Variants in ZNF827 observed in about 807,000 individuals in gnomAD.
The protein encoded by ZNF827 is zinc finger protein 827.
ZNF827 carries 13 observed loss-of-function variants against 102.4 expected under a neutral mutation model. The ratio of observed to expected loss-of-function variants is 0.13; its 90% CI spans 0.08 to 0.20. The LOEUF (loss-of-function observed/expected upper bound fraction) is 0.20, where lower values mean the gene tolerates loss of function less well. Among genes scored for constraint, ZNF827 ranks in the 10% least tolerant of loss-of-function variants. ZNF827 has a pLI of 1.00. For synonymous variants in ZNF827, 523 were observed against 536.2 expected (o/e 0.98, Z 0.34); for missense variants, 1,103 against 1,344.4 (o/e 0.82, Z 2.81).
At chr4:145,918,330 G>A in intron 1 of ZNF827, among the ~76,000 whole-genome samples, 1 of 31,210 alleles carries the variant, frequency 3.2e-5, no homozygotes, top group Admixed American at 3.6e-4. Context: ...CTTAGCTCAA[G>A]GCAAAAAAAA....
chr4:145,896,107 A>G (rs1216210740), intron 2 of ZNF827, among the ~76,000 whole-genome samples: 4 of 152,256 alleles, frequency 2.6e-5, no homozygotes, highest in Non-Finnish European at 4.4e-5. Flanking sequence ...ATGAATGTGC[A>G]TAAGACACCT....
chr4:145,907,223 G>A (rs1338774016), intron 1 of ZNF827: 1 of 456,122 alleles, frequency 2.2e-6, no homozygotes, highest in Admixed American at 2.4e-5. Flanking sequence ...TTTTTTGCCT[G>A]CTGGGCTCCT....
chr4:145,842,460 G>A (rs146043437), intron 7 of ZNF827, among the ~76,000 whole-genome samples: 10 of 152,202 alleles, frequency 6.6e-5, no homozygotes, highest in Non-Finnish European at 1.2e-4. Flanking sequence ...ATATTGGAAT[G>A]CCAAGCTACA....
At chr4:145,796,170 G>A (rs562316157) in intron 8 of ZNF827, among the ~76,000 whole-genome samples, 6 of 152,194 alleles carry the variant, frequency 3.9e-5, no homozygotes, top group Admixed American at 1.3e-4. Flanking sequence ...TTGGAACTAC[G>A]GAGGGAAGAA....
At chr4:145,904,789 T>A (rs557133746) in intron 1 of ZNF827, among the ~76,000 whole-genome samples, 82 of 152,338 alleles carry the variant, frequency 5.4e-4, no homozygotes, top group Non-Finnish European at 1.0e-3. Flanking sequence ...TACAGGACGT[T>A]GTGAACTGCA....
chr4:145,890,457 C>G (rs1750506098), intron 3 of ZNF827, among the ~76,000 whole-genome samples: 1 of 152,216 alleles, frequency 6.6e-6, no homozygotes, highest in Non-Finnish European at 1.5e-5. Context: ...ACTCATCTCC[C>G]TGTAGTTTCA....
intron 5 of ZNF827, among the ~76,000 whole-genome samples, chr4:145,860,610 A>G (rs1278113197): frequency 6.6e-6 from 1 of 152,238 alleles, no homozygotes; most frequent in Non-Finnish European, 1.5e-5. Context: ...GCATATGGCA[A>G]GCCACAGGAA....
chr4:145,762,903 C>T lies in ZNF827; in HGVS notation c.*17+187G>A, dbSNP rs1734753817. On this transcript the variant is annotated intron_variant, in intron 14 of 14. Coordinates refer to ENST00000508784, the MANE Select transcript of ZNF827 (RefSeq NM_001306215.2). The surrounding 1 kb of genome is among the most constrained non-coding windows in gnomAD (Gnocchi z 4.9). ...GGGCAGGGCTCAGGAGTGGACTGTC[C>T]TCGGAGGGTCTGGAGAGGTGTTCAG... is the stretch of plus-strand genomic sequence containing the variant. Among the ~76,000 whole-genome samples, 1 of 152,212 alleles carries T rather than the reference C, an allele frequency of 6.6e-6. No individual in the cohort carries two copies. Among genetic ancestry groups the T allele is most frequent in the Non-Finnish European group, 1.5e-5 (1 of 68,044 alleles).
intron 8 of ZNF827, among the ~76,000 whole-genome samples, chr4:145,803,187 G>A (rs1440025512): frequency 2.0e-5 from 3 of 152,010 alleles, no homozygotes; most frequent in African/African-American, 7.3e-5. Context: ...AGGTAAAACT[G>A]TATCTGGGTT....
At chr4:145,808,975 A>G (rs1418341613) in intron 8 of ZNF827, among the ~76,000 whole-genome samples, 2 of 151,804 alleles carry the variant, frequency 1.3e-5, no homozygotes, top group Non-Finnish European at 2.9e-5. Flanking sequence ...TAATTTTTAA[A>G]TTTTTTGCAG....
chr4:145,796,623 CT>C (rs34553120), intron 8 of ZNF827, among the ~76,000 whole-genome samples: 6 of 113,946 alleles, frequency 5.3e-5, no homozygotes, highest in East Asian at 2.0e-4. Context: ...ATTTGTTCCT[CT>C]TTTTTTTTTT....
At chr4:145,817,015 T>G (rs1742652125) in intron 8 of ZNF827, among the ~76,000 whole-genome samples, 1 of 152,224 alleles carries the variant, frequency 6.6e-6, no homozygotes, top group South Asian at 2.1e-4. Flanking sequence ...GACCTACCTA[T>G]TTGTAAATAA....
intron 7 of ZNF827, among the ~76,000 whole-genome samples, chr4:145,844,368 C>T (rs1051601332): frequency 2.0e-5 from 3 of 151,748 alleles, no homozygotes; most frequent in Non-Finnish European, 2.9e-5. Flanking sequence ...AACGAGGTTC[C>T]TCTCCCTAAA....
intron 1 of ZNF827, among the ~76,000 whole-genome samples, chr4:145,918,354 A>C (rs986525279): frequency 6.7e-6 from 1 of 149,892 alleles, no homozygotes; most frequent in Non-Finnish European, 1.5e-5. Context: ...AAAAAAAAAA[A>C]AAAAACTGGC....
chr4:145,905,316 A>T (rs1751759240), intron 1 of ZNF827, among the ~76,000 whole-genome samples: 2 of 152,224 alleles, frequency 1.3e-5, no homozygotes, highest in African/African-American at 4.8e-5. Flanking sequence ...TAATGCATGA[A>T]CCATACACTA....
intron 2 of ZNF827, among the ~76,000 whole-genome samples, chr4:145,898,953 C>T (rs1217960523): frequency 6.6e-6 from 1 of 152,140 alleles, no homozygotes; most frequent in Non-Finnish European, 1.5e-5. Flanking sequence ...TTTTCTTGCG[C>T]ATTTTGAGAA....
In ZNF827 at chr4:145,764,489, C is replaced by G. The variant is rs1174647655; in HGVS notation, c.3230+499G>C. ...GACATCAGTATGTTTGCAGGAGGAT[C>G]ATGAAGCACATGATCGTTGCATGAA... On this transcript the variant is annotated intron_variant, in intron 13 of 14. Coordinates refer to ENST00000508784, the MANE Select transcript of ZNF827 (RefSeq NM_001306215.2). Among the ~76,000 whole-genome samples, 4 of 152,164 alleles carry G rather than the reference C, an allele frequency of 2.6e-5. No homozygotes were observed. The South Asian group carries it at 6.2e-4, about 24-fold the overall frequency.
At chr4:145,786,320 A>C (rs1465415652) in intron 8 of ZNF827, among the ~76,000 whole-genome samples, 1 of 152,196 alleles carries the variant, frequency 6.6e-6, no homozygotes, top group East Asian at 1.9e-4. Flanking sequence ...TCTCAACCTG[A>C]TTTTGGTAAA....
chr4:145,934,619 T>C (rs1754029367), intron 1 of ZNF827, among the ~76,000 whole-genome samples: 1 of 152,202 alleles, frequency 6.6e-6, no homozygotes, highest in Admixed American at 6.5e-5. Flanking sequence ...TAATACCAAG[T>C]GCTAGTCTGG....
Sources: allele counts gnomAD v4.1 joint callset (sites outside exome capture counted in the v4.1 genomes callset), GRCh38; gene constraint gnomAD v4.1.1; non-coding constraint Gnocchi (gnomAD v3.1); transcripts MANE v1.5; gene names NCBI Gene and HGNC (gene_info 2026-07-23, HGNC 2026-07-21).